The following ZC3H14 variants were observed in gnomAD, a reference collection of about 807,000 sequenced individuals.
The protein encoded by ZC3H14 is zinc finger CCCH-type containing 14.
In ZC3H14, 31 loss-of-function variants were observed where a neutral mutation model predicts 92.4. The observed-to-expected ratio is 0.34, with a 90% CI of 0.25 to 0.45. The LOEUF is 0.45. Among genes scored for constraint, ZC3H14 ranks in the 20% least tolerant of loss-of-function variants. The pLI, the probability that ZC3H14 is intolerant of heterozygous loss-of-function variation, is 1.00. For missense variants in ZC3H14, 781 were observed against 897.3 expected (o/e 0.87, Z 1.66); for synonymous variants, 321 against 300.9 (o/e 1.07, Z -0.69).
At chr14:88,576,024 T>C in intron 8 of ZC3H14, 84 bp downstream of exon 8, 1 of 1,217,754 alleles carries the variant, frequency 8.2e-7, no homozygotes, top group South Asian at 1.3e-5. Context: ...CCTTAAATTG[T>C]AAAATAAAGG....
Position 88,616,874 on chromosome 14 carries a change from A to G in ZC3H14, c.*5123A>G. On this transcript the variant is annotated 3_prime_UTR_variant, in exon 17 of 17. Transcript: ENST00000251038. Reference sequence around the variant, plus strand: ...CCAGATTCCCAAAACCTCATCTCCTAGAATACTAGAGGGAAGGAACAAAAG... The same window carrying G: ...CCAGATTCCCAAAACCTCATCTCCTGGAATACTAGAGGGAAGGAACAAAAG... The G allele has an allele frequency of 6.2e-7, 1 of 1,613,456 alleles. No individual in the cohort carries two copies. The highest frequency in any genetic ancestry group is 8.5e-7 in the Non-Finnish European group (1 of 1,179,624).
intron 2 of ZC3H14, chr14:88,567,806 C>T: frequency 1.8e-6 from 1 of 558,148 alleles, no homozygotes; most frequent in East Asian, 3.9e-5. Flanking sequence ...CCCTATAATT[C>T]AGAATGTTTA....
At chr14:88,600,201 T>C (rs915441626) in intron 10 of ZC3H14, among the ~76,000 whole-genome samples, 1 of 152,226 alleles carries the variant, frequency 6.6e-6, no homozygotes, top group Non-Finnish European at 1.5e-5. Context: ...CCCTTTACCA[T>C]CTGTACTGCC....
At position 88,613,086 on chromosome 14, in the gene ZC3H14, G is replaced by A. The variant is rs2087051406; in HGVS notation, c.*1335G>A. On this transcript the variant is annotated 3_prime_UTR_variant, in exon 17 of 17. Transcript: ENST00000251038. Reference sequence around the variant, plus strand: ...AAGATTGTCAAGCCAGCAGTCTACTGTTGTGTTGCCATTGCTTTTCCATTG... The same window carrying A: ...AAGATTGTCAAGCCAGCAGTCTACTATTGTGTTGCCATTGCTTTTCCATTG... The A allele has an allele frequency of 1.3e-5, 2 of 152,376 alleles. No homozygotes were observed. Among genetic ancestry groups the A allele is most frequent in the Admixed American group, 1.3e-4 (2 of 15,278 alleles). 9.4% of individuals were successfully genotyped at this position (152,376 alleles called of 1,614,324 possible). A position where few individuals can be genotyped will look rare whatever the true frequency, so the allele number is the denominator to read the frequency against.
intron 12 of ZC3H14, among the ~76,000 whole-genome samples, chr14:88,604,531 C>T (rs899807188): frequency 1.8e-4 from 27 of 151,622 alleles, no homozygotes; most frequent in Admixed American, 4.6e-4. Context: ...ACAACAACAT[C>T]TGTTTTAACC....
Position 88,626,930 on chromosome 14 carries a change from G to A in ZC3H14, c.*15179G>A, listed in dbSNP as rs1418375650. 1.2e-6 allele frequency: 2 copies of A among 1,613,828 alleles called. No individual in the cohort carries two copies. Among genetic ancestry groups the A allele is most frequent in the Middle Eastern group, 1.6e-4 (1 of 6,084 alleles). On this transcript the variant is annotated 3_prime_UTR_variant, in exon 17 of 17. Coordinates refer to ENST00000251038, the MANE Select transcript of ZC3H14 (RefSeq NM_024824.5). ...TTGCTAAGAAGAGCTCTTCCTGCCA[G>A]GGTCCAGAACTTCACATGTTTTACT...
At chr14:88,578,757 T>C (rs1464936305) in intron 9 of ZC3H14, among the ~76,000 whole-genome samples, 1 of 145,084 alleles carries the variant, frequency 6.9e-6, no homozygotes, top group Non-Finnish European at 1.5e-5. Context: ...CCCTCGTGCC[T>C]AACATACTTC....
chr14:88,599,519 G>A (rs781076929), intron 10 of ZC3H14, among the ~76,000 whole-genome samples: 14 of 152,234 alleles, frequency 9.2e-5, no homozygotes, highest in South Asian at 2.1e-4. Flanking sequence ...CTAACGTTCC[G>A]CTTGCAGAGA....
intron 9 of ZC3H14, among the ~76,000 whole-genome samples, chr14:88,595,540 A>C (rs142787922): frequency 6.6e-6 from 1 of 152,204 alleles, no homozygotes; most frequent in East Asian, 1.9e-4. Flanking sequence ...CAGGAATGCA[A>C]CTTGACCTAA....
Position 88,621,792 on chromosome 14 carries a change from T to C in ZC3H14, c.*10041T>C. 2.7e-6 allele frequency: 1 copy of C among 368,242 alleles called. No homozygotes were observed. The highest frequency in any genetic ancestry group is 3.4e-5 in the Admixed American group (1 of 29,662). The allele number at this position is 368,242 out of a possible 1,614,324, so 22.8% of individuals were successfully genotyped here. On this transcript the variant is annotated 3_prime_UTR_variant, in exon 17 of 17. Coordinates refer to ENST00000251038, the MANE Select transcript of ZC3H14 (RefSeq NM_024824.5). ...GTAGTTTTGAATTTTTATTTTGAAATTGACACATAATTATACATATCTATA... is the reference window on the plus strand; with the variant it reads ...GTAGTTTTGAATTTTTATTTTGAAACTGACACATAATTATACATATCTATA...
At chr14:88,577,110 C>T (rs949186238) in intron 8 of ZC3H14, among the ~76,000 whole-genome samples, 1 of 152,170 alleles carries the variant, frequency 6.6e-6, no homozygotes, top group South Asian at 2.1e-4. Context: ...AGTTTTTGAT[C>T]CTGATACTTG....
chr14:88,572,331 C>T (rs949263923), intron 5 of ZC3H14, 106 bp downstream of exon 5: 3 of 1,300,282 alleles, frequency 2.3e-6, no homozygotes, highest in African/African-American at 3.0e-5. Flanking sequence ...TTTTTAGAAA[C>T]AATGAAGTGA....
chr14:88,613,007 G>A lies in ZC3H14; in HGVS notation c.*1256G>A, dbSNP rs181886852. 73 of 152,198 alleles carry A rather than the reference G, an allele frequency of 4.8e-4. No individual in the cohort carries two copies. Among genetic ancestry groups the A allele is most frequent in the African/African-American group, 1.6e-3 (68 of 41,438 alleles). The allele number at this position is 152,198 out of a possible 1,614,324, so 9.4% of individuals were successfully genotyped here. A position where few individuals can be genotyped will look rare whatever the true frequency, so the allele number is the denominator to read the frequency against. Reference sequence around the variant, plus strand: ...AAAAAAAAAAAAAGTTCATTGACTTGCTTAGTCGTATACTCAAATGATGAT... The same window carrying A: ...AAAAAAAAAAAAAGTTCATTGACTTACTTAGTCGTATACTCAAATGATGAT... On this transcript the variant is annotated 3_prime_UTR_variant, in exon 17 of 17. Transcript: ENST00000251038.
intron 10 of ZC3H14, among the ~76,000 whole-genome samples, chr14:88,600,493 A>G (rs2084467372): frequency 6.8e-6 from 1 of 147,838 alleles, no homozygotes; most frequent in African/African-American, 2.5e-5. Flanking sequence ...CTCGTGCTGG[A>G]GTGCAGTGGC....
chr14:88,591,908 A>G (rs948058045), intron 9 of ZC3H14: 3 of 152,224 alleles, frequency 2.0e-5, no homozygotes, highest in East Asian at 1.9e-4. Flanking sequence ...CAGACCCTGC[A>G]GTTTACTAGT....
intron 9 of ZC3H14, chr14:88,595,114 A>G (rs1566952174): frequency 6.2e-7 from 1 of 1,607,918 alleles, no homozygotes; most frequent in Non-Finnish European, 8.5e-7. Context: ...TGAGAAAGGT[A>G]AACTCTTAAT....
At position 88,575,841 on chromosome 14, in the gene ZC3H14, CCTT is replaced by C; in HGVS notation, c.1027_1029del (p.Ser343del). ...AAATACCTTTCTTAACTCTTTTAGA[CCTT>C]CTCTTCCACCTTCTAAACAAGCTAA... On this transcript the variant is annotated inframe_deletion and splice_region_variant, in exon 8 of 17. Coordinates refer to ENST00000251038, the MANE Select transcript of ZC3H14 (RefSeq NM_024824.5). 1 of 1,612,142 alleles carries C rather than the reference CCTT, an allele frequency of 6.2e-7. No homozygotes were observed.
At chr14:88,588,562 CT>C (rs911496610) in intron 9 of ZC3H14, among the ~76,000 whole-genome samples, 9 of 149,950 alleles carry the variant, frequency 6.0e-5, no homozygotes, top group African/African-American at 1.5e-4. Flanking sequence ...TCTCCGGGAA[CT>C]TTTTTTTTTC....
intron 1 of ZC3H14, 87 bp from the exon 2 acceptor site, chr14:88,563,564 A>C: frequency 6.3e-7 from 1 of 1,589,460 alleles, no homozygotes; most frequent in African/African-American, 1.3e-5. Flanking sequence ...TGCGCGCACC[A>C]GCAAAGTGGC....
Sources: allele counts gnomAD v4.1 joint callset (sites outside exome capture counted in the v4.1 genomes callset), GRCh38; gene constraint gnomAD v4.1.1; transcripts MANE v1.5; gene names NCBI Gene and HGNC (gene_info 2026-07-23, HGNC 2026-07-21).